Variants in CPPED1 observed in about 807,000 individuals in gnomAD.
The protein encoded by CPPED1 is serine/threonine-protein phosphatase CPPED1.
In CPPED1, 28 loss-of-function variants were observed where a neutral mutation model predicts 28.0. That is an observed-to-expected ratio of 1.00 (90% CI 0.74 to 1.37). The LOEUF (loss-of-function observed/expected upper bound fraction) is 1.37, where lower values mean the gene tolerates loss of function less well. CPPED1 is among the 40% of genes most tolerant of loss of function. CPPED1 has a pLI of 0.00. For synonymous variants in CPPED1, 198 were observed against 180.2 expected (o/e 1.10, Z -0.79); for missense variants, 504 against 416.5 (o/e 1.21, Z -1.83).
intron 2 of CPPED1, among the ~76,000 whole-genome samples, chr16:12,736,061 C>G (rs1420050220): frequency 6.6e-6 from 1 of 152,112 alleles, no homozygotes; most frequent in Non-Finnish European, 1.5e-5. Flanking sequence ...GAGCTTGGTG[C>G]CTGGCACTTC....
chr16:12,733,850 C>T (rs761788487), intron 2 of CPPED1, among the ~76,000 whole-genome samples: 14 of 152,030 alleles, frequency 9.2e-5, no homozygotes, highest in Non-Finnish European at 1.6e-4. Flanking sequence ...TTGCTGGGTA[C>T]AGCTACTTGA....
chr16:12,704,037 G>A (rs893927075), intron 3 of CPPED1, among the ~76,000 whole-genome samples: 1 of 152,158 alleles, frequency 6.6e-6, no homozygotes, highest in Non-Finnish European at 1.5e-5. Flanking sequence ...CCTTGGCAGA[G>A]GAAAACTGAT....
intron 3 of CPPED1, among the ~76,000 whole-genome samples, chr16:12,695,640 T>C (rs1397433718): frequency 6.6e-6 from 1 of 152,222 alleles, no homozygotes; most frequent in Non-Finnish European, 1.5e-5. Flanking sequence ...GTAAACAGAA[T>C]AGAACATACT....
intron 3 of CPPED1, among the ~76,000 whole-genome samples, chr16:12,687,200 T>A (rs903578046): frequency 5.3e-5 from 8 of 152,300 alleles, no homozygotes; most frequent in African/African-American, 1.4e-4. Context: ...AATATTATTA[T>A]TTTTTCATGT....
intron 3 of CPPED1, among the ~76,000 whole-genome samples, chr16:12,701,699 T>G (rs2080021743): frequency 6.6e-6 from 1 of 152,152 alleles, no homozygotes; most frequent in African/African-American, 2.4e-5. Flanking sequence ...ACACCCATCT[T>G]GCTGTTAGGT....
intron 3 of CPPED1, among the ~76,000 whole-genome samples, chr16:12,683,752 T>C (rs1167818050): frequency 6.6e-6 from 1 of 152,080 alleles, no homozygotes; most frequent in South Asian, 2.1e-4. Context: ...GGTTGCCTGA[T>C]CTCCTGTATG....
At chr16:12,790,152 C>T (rs1470514360) in intron 1 of CPPED1, among the ~76,000 whole-genome samples, 2 of 152,226 alleles carry the variant, frequency 1.3e-5, no homozygotes, top group Non-Finnish European at 2.9e-5. Context: ...TACCATTAAT[C>T]TTTCCTATGA....
Position 12,682,702 on chromosome 16 carries a change from C to T in CPPED1, c.716-17587G>A, listed in dbSNP as rs1280207884. Among the ~76,000 whole-genome samples, 1 of 152,234 alleles carries T rather than the reference C, an allele frequency of 6.6e-6. No individual in the cohort carries two copies. The highest frequency in any genetic ancestry group is 1.9e-4 in the East Asian group (1 of 5,202). ...GGAAGCTGCGTGTCTTGTACTCAGGCAGCACTCAATAATTATACTTTCCTC... is the reference window on the plus strand; with the variant it reads ...GGAAGCTGCGTGTCTTGTACTCAGGTAGCACTCAATAATTATACTTTCCTC... On this transcript the variant is annotated intron_variant, in intron 3 of 3. Coordinates refer to ENST00000381774, the MANE Select transcript of CPPED1 (RefSeq NM_018340.3). This position sits in a 1 kb window ranked among gnomAD's most constrained non-coding sequence, Gnocchi z 6.1.
At chr16:12,800,765 C>T (rs1328848179) in intron 1 of CPPED1, among the ~76,000 whole-genome samples, 3 of 152,122 alleles carry the variant, frequency 2.0e-5, no homozygotes, top group Non-Finnish European at 2.9e-5. Flanking sequence ...AGCCCTCATC[C>T]TTCCCTTTCC....
chr16:12,766,256 T>TATATATATATATAAAGAGAGAGAGAGAG, intron 2 of CPPED1, among the ~76,000 whole-genome samples: 1 of 134,254 alleles, frequency 7.4e-6, no homozygotes, highest in African/African-American at 3.5e-5. Context: ...TATATATATA[T>TATATATATATATAAAGAGAGAGAGAGAG]AGAGAGAGAG....
At chr16:12,740,086 A>C (rs918157830) in intron 2 of CPPED1, among the ~76,000 whole-genome samples, 8 of 145,382 alleles carry the variant, frequency 5.5e-5, no homozygotes, top group African/African-American at 1.2e-4. Flanking sequence ...AAGGAAAGAA[A>C]GGAAAGGAAG....
rs369624584 is a variant in CPPED1, at chr16:12,709,464, G to A, written c.290-4415C>T. On this transcript the variant is annotated intron_variant, in intron 2 of 3. Transcript: ENST00000381774. This position sits in a 1 kb window ranked among gnomAD's most constrained non-coding sequence, Gnocchi z 4.4. Reference sequence around the variant, plus strand: ...AGAGCAGTGTAGAAAGCTGCAAAGCGTTTAAAACACTTAAAAAAATTTTAA... The same window carrying A: ...AGAGCAGTGTAGAAAGCTGCAAAGCATTTAAAACACTTAAAAAAATTTTAA... Among the ~76,000 whole-genome samples, 11 of 152,128 alleles carry A rather than the reference G, an allele frequency of 7.2e-5. No homozygotes were observed. Among genetic ancestry groups the A allele is most frequent in the East Asian group, 5.8e-4 (3 of 5,194 alleles).
At chr16:12,671,234 TA>T (rs34733642) in intron 3 of CPPED1, among the ~76,000 whole-genome samples, 2,328 of 152,322 alleles carry the variant, frequency 0.015, 40 homozygotes, top group Middle Eastern at 0.027. Context: ...TTGTTACAAT[TA>T]ATGAACCAAT....
Position 12,750,999 on chromosome 16 carries a change from C to CA in CPPED1, c.289+30185dup, listed in dbSNP as rs1288499450. Among the ~76,000 whole-genome samples the CA allele has an allele frequency of 4.1e-3, 616 of 148,470 alleles. 3 individuals are homozygous for CA. The highest frequency in any genetic ancestry group is 4.7e-3 in the South Asian group (22 of 4,700). On this transcript the variant is annotated intron_variant, in intron 2 of 3. Transcript: ENST00000381774. Reference sequence around the variant, plus strand: ...GGAAAAACAAACAAACAAACAACAACAACAAAAAAAACAGAAAAAATGATG... The same window carrying CA: ...GGAAAAACAAACAAACAAACAACAACAAACAAAAAAAACAGAAAAAATGATG...
intron 2 of CPPED1, among the ~76,000 whole-genome samples, chr16:12,747,423 T>C (rs1399084786): frequency 7.3e-6 from 1 of 136,210 alleles, no homozygotes; most frequent in Non-Finnish European, 1.6e-5. Context: ...AAAGGGGGAC[T>C]CTGTTTTAAA....
chr16:12,669,117 T>C (rs2079840930), intron 3 of CPPED1, among the ~76,000 whole-genome samples: 4 of 152,178 alleles, frequency 2.6e-5, no homozygotes, highest in Admixed American at 2.6e-4. Context: ...CAAAATGTGG[T>C]CTACCCATAC....
chr16:12,789,216 CCA>C (rs148784041), intron 1 of CPPED1, among the ~76,000 whole-genome samples: 3,436 of 152,254 alleles, frequency 0.023, 87 homozygotes, highest in African/African-American at 0.064. Context: ...CTCAAATTTG[CCA>C]CAGTCCCCAC....
intron 2 of CPPED1, among the ~76,000 whole-genome samples, chr16:12,742,004 C>A (rs2080258529): frequency 6.6e-6 from 1 of 151,850 alleles, no homozygotes; most frequent in South Asian, 2.1e-4. Flanking sequence ...AGGGGGAGGT[C>A]ACAGTGAGTC....
chr16:12,674,313 G>A (rs2079867169), intron 3 of CPPED1, among the ~76,000 whole-genome samples: 1 of 152,158 alleles, frequency 6.6e-6, no homozygotes, highest in South Asian at 2.1e-4. Context: ...CTGAGTTCAA[G>A]GCTCTGGCAT....
Sources: allele counts gnomAD v4.1 joint callset (sites outside exome capture counted in the v4.1 genomes callset), GRCh38; gene constraint gnomAD v4.1.1; non-coding constraint Gnocchi (gnomAD v3.1); transcripts MANE v1.5; gene names NCBI Gene and HGNC (gene_info 2026-07-23, HGNC 2026-07-21).